WASF1: variants seen among roughly 807,000 people sequenced by gnomAD.
The protein encoded by WASF1 is actin-binding protein WASF1.
WASF1 carries 7 observed loss-of-function variants against 50.5 expected under a neutral mutation model. The observed-to-expected ratio is 0.14, with a 90% CI of 0.08 to 0.26. The LOEUF is 0.26. Among genes scored for constraint, WASF1 ranks in the 10% least tolerant of loss-of-function variants. WASF1 has a pLI of 1.00. For missense variants in WASF1, 470 were observed against 694.7 expected (o/e 0.68, Z 3.64); for synonymous variants, 205 against 244.0 (o/e 0.84, Z 1.49).
intron 2 of WASF1, among the ~76,000 whole-genome samples, chr6:110,165,673 A>G (rs1239260503): frequency 1.3e-5 from 2 of 151,732 alleles, no homozygotes; most frequent in African/African-American, 4.8e-5. Flanking sequence ...ATATTGTTAC[A>G]TAAAGCAAAA....
chr6:110,177,847 CACTT>C (rs1331090029), intron 2 of WASF1, among the ~76,000 whole-genome samples: 2 of 151,744 alleles, frequency 1.3e-5, no homozygotes, highest in South Asian at 2.1e-4. Flanking sequence ...AAAAATACAA[CACTT>C]ACTTTTTATA....
chr6:110,102,068 G>A lies in WASF1; in HGVS notation c.1042C>T (p.Pro348Ser), dbSNP rs1773117141. 2.6e-6 allele frequency: 4 copies of A among 1,514,564 alleles called. No individual in the cohort carries two copies. Among genetic ancestry groups the A allele is most frequent in the Non-Finnish European group, 3.5e-6 (4 of 1,132,706 alleles). 93.8% of individuals were successfully genotyped at this position (1,514,564 alleles called of 1,614,324 possible). Reference sequence around the variant, plus strand: ...GGTGGGGGAGGTACTGGAGGGGGAGGAGTTGAAGTCATTGAAGCTCTTAAT... The same window carrying A: ...GGTGGGGGAGGTACTGGAGGGGGAGAAGTTGAAGTCATTGAAGCTCTTAAT... ...SSLRASMTST[P>S]PPPVPPPPPP... The change falls in exon 10 of 11, where the codon CCT (proline) becomes TCT (serine). Residue 348 changes from proline (P) to serine (S), a missense_variant. Physicochemically the swap from Pro to Ser is moderately conservative, Grantham distance 74. Coordinates refer to ENST00000392589, the MANE Select transcript of WASF1 (RefSeq NM_003931.3).
At chr6:110,109,408 C>T (rs6927722) in intron 5 of WASF1, among the ~76,000 whole-genome samples, 35,311 of 151,998 alleles carry the variant, frequency 0.23, 6,232 homozygotes, top group African/African-American at 0.5. Flanking sequence ...AAATAAAAAA[C>T]ATACAAAAAT....
At chr6:110,106,864 A>G (rs966562948) in intron 7 of WASF1, among the ~76,000 whole-genome samples, 5 of 152,212 alleles carry the variant, frequency 3.3e-5, no homozygotes, top group African/African-American at 7.2e-5. Context: ...TACCTCTGCT[A>G]TGGCACTTAT....
At chr6:110,170,830 G>A (rs1005489810) in intron 2 of WASF1, among the ~76,000 whole-genome samples, 4 of 152,116 alleles carry the variant, frequency 2.6e-5, no homozygotes, top group Admixed American at 6.5e-5. Flanking sequence ...GTTTCTGAGC[G>A]AGGGAAATTA....
chr6:110,124,127 G>A (rs1278544308), intron 4 of WASF1, among the ~76,000 whole-genome samples: 1 of 148,010 alleles, frequency 6.8e-6, no homozygotes, highest in Non-Finnish European at 1.5e-5. Flanking sequence ...TGTGCACTAG[G>A]GAAATGTGGT....
rs376604074 is a variant in WASF1 at position 110,121,020 on chromosome 6, G to A, written c.133+6449C>T. ...TGAAACTAGATCCCTTCTTTACACCGTATACAAAAATTAACTCAAGATGGA... is the reference window on the plus strand; with the variant it reads ...TGAAACTAGATCCCTTCTTTACACCATATACAAAAATTAACTCAAGATGGA... On this transcript the variant is annotated intron_variant, in intron 4 of 10. Coordinates refer to ENST00000392589, the MANE Select transcript of WASF1 (RefSeq NM_003931.3). Among the ~76,000 whole-genome samples the A allele has an allele frequency of 9.9e-5, 15 of 152,054 alleles. No homozygotes were observed. In the East Asian group the frequency reaches 1.7e-3, roughly 18 times the overall value.
At chr6:110,110,792 C>T (rs1203186830) in intron 5 of WASF1, among the ~76,000 whole-genome samples, 3 of 151,868 alleles carry the variant, frequency 2.0e-5, no homozygotes, top group African/African-American at 7.3e-5. Flanking sequence ...TGATACCACA[C>T]TGTGCTATTT....
At chr6:110,116,248 C>T (rs1773799522) in intron 4 of WASF1, among the ~76,000 whole-genome samples, 1 of 152,192 alleles carries the variant, frequency 6.6e-6, no homozygotes, top group Non-Finnish European at 1.5e-5. Context: ...CCAGGAAGTA[C>T]AAGGGGTCAG....
rs1238507692 is a variant in WASF1, at chr6:110,179,574, G to C, written c.-407C>G. 2 of 151,992 alleles carry C rather than the reference G, an allele frequency of 1.3e-5. No homozygotes were observed. The highest frequency in any genetic ancestry group is 2.4e-5 in the African/African-American group (1 of 41,400). 9.4% of individuals were successfully genotyped at this position (151,992 alleles called of 1,614,324 possible). A position where few individuals can be genotyped will look rare whatever the true frequency, so the allele number is the denominator to read the frequency against. The stretch of plus-strand genomic sequence containing the variant: ...TGGGGCGGAACCCGCTCAGGGCAGC[G>C]GCCCAGGCGCCAGGCCACAGGGAAC... On this transcript the variant is annotated 5_prime_UTR_variant, in exon 1 of 11. Coordinates refer to ENST00000392589, the MANE Select transcript of WASF1 (RefSeq NM_003931.3).
chr6:110,117,566 G>A (rs769664080), intron 4 of WASF1, among the ~76,000 whole-genome samples: 1 of 152,156 alleles, frequency 6.6e-6, no homozygotes, highest in Non-Finnish European at 1.5e-5. Flanking sequence ...TGGGGAAAAT[G>A]GAACCAAGTT....
intron 2 of WASF1, among the ~76,000 whole-genome samples, chr6:110,170,451 T>C (rs949116224): frequency 6.6e-6 from 1 of 152,136 alleles, no homozygotes; most frequent in Non-Finnish European, 1.5e-5. Flanking sequence ...GTCAAACTTC[T>C]GGGCTCAAGT....
chr6:110,120,019 T>G (rs547413906), intron 4 of WASF1, among the ~76,000 whole-genome samples: 1 of 152,252 alleles, frequency 6.6e-6, no homozygotes, highest in African/African-American at 2.4e-5. Flanking sequence ...CTCAATAAAC[T>G]AGGTATTGAT....
At chr6:110,144,891 G>A (rs1426807241) in intron 3 of WASF1, among the ~76,000 whole-genome samples, 6 of 152,094 alleles carry the variant, frequency 3.9e-5, no homozygotes, top group South Asian at 2.1e-4. Context: ...GTCAGGTAGC[G>A]TGACGCCTCC....
chr6:110,132,942 G>A (rs1308042008), intron 3 of WASF1, among the ~76,000 whole-genome samples: 1 of 130,216 alleles, frequency 7.7e-6, no homozygotes, highest in Non-Finnish European at 1.6e-5. Context: ...CATGGTGTTT[G>A]TGTGTGTATT....
In WASF1 at chr6:110,102,124, G is replaced by C; in HGVS notation, c.986C>G (p.Pro329Arg). Residue 329 changes from proline (P) to arginine (R), a missense_variant, in exon 10 of 11, where the codon CCA (proline) becomes CGA (arginine). By Grantham distance (103) the Pro-to-Arg change is moderately radical. Transcript: ENST00000392589. ...FVSPTPPPPP[P>R]PLPSALSTSS... ...AGTTGACAAGGCAGATGGAAGAGGT[G>C]GTGGAGGAGGTGGGGGAGTGGGGCT... The C allele has an allele frequency of 6.7e-7, 1 of 1,490,702 alleles. No individual in the cohort carries two copies. Among genetic ancestry groups the C allele is most frequent in the South Asian group, 1.4e-5 (1 of 69,492 alleles). The allele number at this position is 1,490,702 out of a possible 1,614,324, so 92.3% of individuals were successfully genotyped here. A position where few individuals can be genotyped will look rare whatever the true frequency, so the allele number is the denominator to read the frequency against.
Position 110,113,475 on chromosome 6 carries a change from C to G in WASF1, c.134-15G>C. 1 of 1,568,572 alleles carries G rather than the reference C, an allele frequency of 6.4e-7. No individual in the cohort carries two copies. The highest frequency in any genetic ancestry group is 1.2e-5 in the South Asian group (1 of 83,460). On this transcript the variant is annotated splice_polypyrimidine_tract_variant and intron_variant, in intron 4 of 10. Transcript: ENST00000392589. ...AGCATATTTACCTAAGCAAAAATGA[C>G]ACATATATCATAAAATTTAACATCC...
chr6:110,124,274 C>CTATATATATATATATA (rs35703116), intron 4 of WASF1, among the ~76,000 whole-genome samples: 15 of 20,504 alleles, frequency 7.3e-4, no homozygotes, highest in Non-Finnish European at 9.1e-4. Flanking sequence ...CTCTCTCTCT[C>CTATATATATATATATA]TATATATATA....
chr6:110,149,516 G>GA lies in WASF1; in HGVS notation c.-29+11118dup, dbSNP rs1270528819. 3.3e-3 allele frequency among the ~76,000 whole-genome samples: 453 copies of GA among 136,034 alleles called. 3 individuals are homozygous for GA. Among genetic ancestry groups the GA allele is most frequent in the African/African-American group, 0.012 (431 of 36,998 alleles). The allele number at this position is 136,034 out of a possible 152,430, so 89.2% of individuals were successfully genotyped here. ...AAAAAAAAAAAAGGAAAGAAAGAAA[G>GA]AAAAAAACAAAAAGAAAAGAATCTT... On this transcript the variant is annotated intron_variant, in intron 3 of 10. Transcript: ENST00000392589.
Sources: gnomAD v4.1 joint callset for allele counts (sites outside exome capture counted in the v4.1 genomes callset) on GRCh38, gnomAD v4.1.1 for gene constraint, MANE v1.5 for transcripts, NCBI Gene and HGNC (gene_info 2026-07-23, HGNC 2026-07-21) for gene names.